Variants in CTNNA3 observed in about 807,000 individuals in gnomAD.
The protein encoded by CTNNA3 is catenin alpha 3.
In CTNNA3, 76 loss-of-function variants were observed where a neutral mutation model predicts 95.7. The ratio of observed to expected loss-of-function variants is 0.79; its 90% confidence interval spans 0.66 to 0.96. The LOEUF (loss-of-function observed/expected upper bound fraction) is 0.96, where lower values mean the gene tolerates loss of function less well. Ranked by LOEUF, CTNNA3 falls within the 40% of genes least tolerant of loss-of-function variation. The pLI is 0.00. For missense variants in CTNNA3, 1,191 were observed against 1,089.8 expected (o/e 1.09, Z -1.31); for synonymous variants, 431 against 374.4 (o/e 1.15, Z -1.74).
At chr10:66,659,987 G>A (rs559206740) in intron 9 of CTNNA3, among the ~76,000 whole-genome samples, 151 of 151,668 alleles carry the variant, frequency 1.0e-3, no homozygotes, top group Non-Finnish European at 1.9e-3. Flanking sequence ...ATATTCCTGG[G>A]TTTTTTTTCT....
In CTNNA3 at chr10:67,205,319, T is replaced by C. The variant is rs1196667538; in HGVS notation, c.843+14288A>G. 2.0e-5 allele frequency among the ~76,000 whole-genome samples: 3 copies of C among 152,194 alleles called. No individual in the cohort carries two copies. The East Asian group carries it at 5.8e-4, about 29-fold the overall frequency. The stretch of plus-strand genomic sequence containing the variant: ...AGTCCCAAGTAAGACCAACTTTAAT[T>C]CTGTTCTGCTATTCATCCTTAATGG... On this transcript the variant is annotated intron_variant, in intron 6 of 17. Coordinates refer to ENST00000433211, the MANE Select transcript of CTNNA3 (RefSeq NM_013266.4).
At chr10:66,687,581 AG>A (rs1304743064) in intron 9 of CTNNA3, among the ~76,000 whole-genome samples, 6 of 152,138 alleles carry the variant, frequency 3.9e-5, no homozygotes, top group Non-Finnish European at 8.8e-5. Context: ...AATTACAAAC[AG>A]GTGATAAAAT....
At position 66,683,072 on chromosome 10, in the gene CTNNA3, G is replaced by A. The variant is rs77334894; in HGVS notation, c.1282-61288C>T. Among the ~76,000 whole-genome samples, 391 of 152,162 alleles carry A rather than the reference G, an allele frequency of 2.6e-3. 2 individuals carry two copies. The highest frequency in any genetic ancestry group is 9.0e-3 in the African/African-American group (373 of 41,522). ...CCTATGAGCTTTCATATATCCACCC[G>A]TCAAATAAAGCTTGGATACTGGCCT... On this transcript the variant is annotated intron_variant, in intron 9 of 17. Coordinates refer to ENST00000433211, the MANE Select transcript of CTNNA3 (RefSeq NM_013266.4).
At chr10:66,437,194 T>C (rs2093343973) in intron 11 of CTNNA3, among the ~76,000 whole-genome samples, 2 of 152,128 alleles carry the variant, frequency 1.3e-5, no homozygotes, top group African/African-American at 4.8e-5. Flanking sequence ...AGGATTATCT[T>C]TGTGGTGTTC....
chr10:66,601,588 T>C (rs952526363), intron 10 of CTNNA3, among the ~76,000 whole-genome samples: 5 of 151,914 alleles, frequency 3.3e-5, no homozygotes, highest in African/African-American at 1.2e-4. Flanking sequence ...ACACTGTCTG[T>C]TATACTAACC....
intron 12 of CTNNA3, among the ~76,000 whole-genome samples, chr10:66,292,504 A>C: frequency 6.6e-6 from 1 of 150,492 alleles, no homozygotes; most frequent in East Asian, 2.0e-4. Context: ...TCTCAATGGA[A>C]AAGTTTGCTT....
chr10:66,760,385 A>G (rs550338242), intron 9 of CTNNA3, among the ~76,000 whole-genome samples: 1 of 152,270 alleles, frequency 6.6e-6, no homozygotes, highest in East Asian at 1.9e-4. Flanking sequence ...TTTCCTTTCT[A>G]CAGTATTCCT....
At chr10:65,966,549 G>T (rs902605328) in intron 17 of CTNNA3, 63 bp downstream of exon 17, 21 of 1,402,852 alleles carry the variant, frequency 1.5e-5, no homozygotes, top group South Asian at 3.2e-5. Context: ...GTAAACAAGG[G>T]TGTAGTTACT....
intron 5 of CTNNA3, among the ~76,000 whole-genome samples, chr10:67,405,164 TA>T (rs2132819252): frequency 6.6e-6 from 1 of 152,186 alleles, no homozygotes; most frequent in African/African-American, 2.4e-5. Flanking sequence ...GTCTGCAAAA[TA>T]ACCAGCTAGC....
intron 10 of CTNNA3, among the ~76,000 whole-genome samples, chr10:66,611,569 G>A (rs917743023): frequency 1.1e-4 from 17 of 152,092 alleles, no homozygotes; most frequent in Middle Eastern, 3.2e-3. Context: ...AAAAATCTAG[G>A]AATATAGCTT....
intron 7 of CTNNA3, among the ~76,000 whole-genome samples, chr10:66,852,619 A>T (rs1049644108): frequency 5.9e-5 from 9 of 152,180 alleles, no homozygotes; most frequent in African/African-American, 2.2e-4. Flanking sequence ...GGGGAGACGC[A>T]TGAAGAATGT....
intron 13 of CTNNA3, among the ~76,000 whole-genome samples, chr10:66,104,025 A>C (rs958934525): frequency 1.3e-5 from 2 of 152,234 alleles, no homozygotes; most frequent in African/African-American, 4.8e-5. Context: ...TGCATTAGAT[A>C]ATCATCATTA....
At chr10:66,928,029 G>T (rs754641848) in intron 7 of CTNNA3, 1 of 1,614,100 alleles carries the variant, frequency 6.2e-7, no homozygotes, top group Non-Finnish European at 8.5e-7. Context: ...GGTTTGATCT[G>T]GCCAGGGCTC....
intron 7 of CTNNA3, among the ~76,000 whole-genome samples, chr10:66,815,514 T>C (rs907382962): frequency 3.9e-5 from 6 of 152,122 alleles, no homozygotes; most frequent in African/African-American, 1.4e-4. Context: ...TTCTCTTTAT[T>C]TGACACGATT....
At chr10:65,935,282 C>T (rs998881508) in intron 17 of CTNNA3, among the ~76,000 whole-genome samples, 2 of 152,114 alleles carry the variant, frequency 1.3e-5, no homozygotes, top group Non-Finnish European at 2.9e-5. Flanking sequence ...TCGTAGGCTC[C>T]TATTATTTCA....
chr10:67,175,740 C>T (rs779889762), intron 7 of CTNNA3, among the ~76,000 whole-genome samples: 2 of 152,158 alleles, frequency 1.3e-5, no homozygotes, highest in Admixed American at 6.6e-5. Context: ...CTATCTAACA[C>T]ATCCAACCCA....
At chr10:66,824,281 T>C (rs890002774) in intron 7 of CTNNA3, among the ~76,000 whole-genome samples, 65 of 152,146 alleles carry the variant, frequency 4.3e-4, no homozygotes, top group African/African-American at 1.6e-3. Context: ...TAGAAACTTA[T>C]AAAACATTCA....
At chr10:66,197,682 T>A (rs1400578283) in intron 13 of CTNNA3, among the ~76,000 whole-genome samples, 1 of 152,168 alleles carries the variant, frequency 6.6e-6, no homozygotes, top group African/African-American at 2.4e-5. Flanking sequence ...AGAATGTCCT[T>A]AAGTAGAAAT....
At chr10:65,957,730 T>C (rs1223947121) in intron 17 of CTNNA3, among the ~76,000 whole-genome samples, 4 of 152,220 alleles carry the variant, frequency 2.6e-5, no homozygotes, top group African/African-American at 9.6e-5. Flanking sequence ...CTCTTCTGGC[T>C]TGTAGAGTTT....
Sources: allele counts gnomAD v4.1 joint callset (sites outside exome capture counted in the v4.1 genomes callset), GRCh38; gene constraint gnomAD v4.1.1; transcripts MANE v1.5; gene names NCBI Gene and HGNC (gene_info 2026-07-23, HGNC 2026-07-21).